The following DECR1 variants were observed in gnomAD, a reference collection of about 807,000 sequenced individuals.
DECR1 encodes the protein 2,4-dienoyl-CoA reductase [(3E)-enoyl-CoA-producing], mitochondrial.
DECR1 carries 44 observed loss-of-function variants against 38.8 expected under a neutral mutation model. The ratio of observed to expected loss-of-function variants is 1.13; its 90% CI spans 0.89 to 1.46. DECR1 has a LOEUF of 1.46. DECR1 is among the 40% of genes most tolerant of loss of function. The pLI, the probability that DECR1 is intolerant of heterozygous loss-of-function variation, is 0.00. For synonymous variants in DECR1, 148 were observed against 135.2 expected (o/e 1.09, Z -0.66); for missense variants, 428 against 405.5 (o/e 1.06, Z -0.48).
intron 5 of DECR1, among the ~76,000 whole-genome samples, chr8:90,028,134 A>G (rs1232773765): frequency 1.3e-5 from 2 of 152,126 alleles, no homozygotes; most frequent in African/African-American, 4.8e-5. Flanking sequence ...GCTTTGTCCA[A>G]CAGGTGATAG....
At chr8:90,046,859 A>G (rs967536023) in intron 8 of DECR1, among the ~76,000 whole-genome samples, 10 of 152,226 alleles carry the variant, frequency 6.6e-5, no homozygotes, top group Non-Finnish European at 1.3e-4. Flanking sequence ...TACAAGTCAG[A>G]AGAAAGTGGG....
At chr8:90,051,788 C>T (rs1273389442) in intron 9 of DECR1, 49 bp downstream of exon 9, 2 of 1,612,346 alleles carry the variant, frequency 1.2e-6, no homozygotes, top group African/African-American at 2.7e-5. Context: ...GGATACTAAG[C>T]TTTAAAAACA....
chr8:90,015,170 A>G (rs965844366), intron 1 of DECR1, among the ~76,000 whole-genome samples: 2 of 152,176 alleles, frequency 1.3e-5, no homozygotes, highest in Admixed American at 1.3e-4. Flanking sequence ...CAAACAAAAA[A>G]AAACAAATAA....
intron 1 of DECR1, chr8:90,006,132 A>T: frequency 1.4e-6 from 1 of 691,152 alleles, no homozygotes; most frequent in Non-Finnish European, 2.6e-6. Context: ...TCACATTTCA[A>T]CATGAGTTTT....
rs909634908 is a variant in DECR1, at chr8:90,015,550, A to C, written c.70-1574A>C. Reference sequence around the variant, plus strand: ...CTTGTGCAATTTCCAGGTGATGAACAGCCTCCTTCTAAATCATTGACCACA... The same window carrying C: ...CTTGTGCAATTTCCAGGTGATGAACCGCCTCCTTCTAAATCATTGACCACA... On this transcript the variant is annotated intron_variant, in intron 1 of 9. Coordinates refer to ENST00000220764, the MANE Select transcript of DECR1 (RefSeq NM_001359.2). 1.2e-5 allele frequency: 5 copies of C among 413,876 alleles called. No homozygotes were observed. The Admixed American group carries it at 1.3e-4, about 10-fold the overall frequency. 25.6% of individuals were successfully genotyped at this position (413,876 alleles called of 1,614,324 possible). A position where few individuals can be genotyped will look rare whatever the true frequency, so the allele number is the denominator to read the frequency against.
intron 5 of DECR1, among the ~76,000 whole-genome samples, chr8:90,025,336 G>C (rs1352144602): frequency 6.6e-6 from 1 of 152,126 alleles, no homozygotes; most frequent in African/African-American, 2.4e-5. Context: ...TCATGATATT[G>C]ATTCTTCCTA....
intron 5 of DECR1, among the ~76,000 whole-genome samples, chr8:90,035,019 A>G (rs1290252153): frequency 6.6e-6 from 1 of 152,092 alleles, no homozygotes. Flanking sequence ...TTATCTTTCA[A>G]CACCTTAAAA....
chr8:90,033,241 G>A (rs1813541262), intron 5 of DECR1, among the ~76,000 whole-genome samples: 1 of 152,022 alleles, frequency 6.6e-6, no homozygotes, highest in African/African-American at 2.4e-5. Context: ...ACATATCATA[G>A]CTTTTTTGAT....
chr8:90,023,315 A>G (rs1813212618), intron 5 of DECR1, among the ~76,000 whole-genome samples: 1 of 152,222 alleles, frequency 6.6e-6, no homozygotes, highest in South Asian at 2.1e-4. Context: ...AGTATTTAGA[A>G]ATACAATGGA....
At chr8:90,017,363 T>G in intron 2 of DECR1, 37 bp downstream of exon 2, 2 of 1,551,858 alleles carry the variant, frequency 1.3e-6, no homozygotes, top group East Asian at 4.5e-5. Context: ...GCGACGCTTT[T>G]GAAGAAACTG....
chr8:90,002,960 C>T lies in DECR1; in HGVS notation c.69+1399C>T, dbSNP rs1188628209. Among the ~76,000 whole-genome samples the T allele has an allele frequency of 3.3e-5, 5 of 152,252 alleles. No homozygotes were observed. In the South Asian group the frequency reaches 6.2e-4, roughly 19 times the overall value. On this transcript the variant is annotated intron_variant, in intron 1 of 9. Coordinates refer to ENST00000220764, the MANE Select transcript of DECR1 (RefSeq NM_001359.2). ...AGCAATAAGGTCATACAGACCTTAT[C>T]CAAGCTCTTCTGACACCATTAGACA...
At position 90,036,871 on chromosome 8, in the gene DECR1, A is replaced by G. The variant is rs756235844; in HGVS notation, c.596A>G (p.Tyr199Cys). 1 of 1,613,510 alleles carries G rather than the reference A, an allele frequency of 6.2e-7. No individual in the cohort carries two copies. Among genetic ancestry groups the G allele is most frequent in the Non-Finnish European group, 8.5e-7 (1 of 1,179,694 alleles). ...GCATTTCTTTCTATTACTACTATCT[A>G]TGCTGAGACTGGTTCAGGTTTTGTA... ...GAAFLSITTI[Y>C]AETGSGFVVP... is the part of the protein sequence containing the mutation. The change falls in exon 6 of 10, where the codon TAT becomes TGT. Residue 199 changes from tyrosine (Y) to cysteine (C), a missense_variant. Tyr to Cys is a radical substitution (Grantham distance 194). Transcript: ENST00000220764.
At chr8:90,031,832 TG>T (rs1324573459) in intron 5 of DECR1, among the ~76,000 whole-genome samples, 2 of 152,130 alleles carry the variant, frequency 1.3e-5, no homozygotes, top group East Asian at 3.8e-4. Flanking sequence ...ATATAATGCC[TG>T]GAGGGGTAGG....
At chr8:90,001,644 G>A in intron 1 of DECR1, 83 bp downstream of exon 1, 1 of 1,355,636 alleles carries the variant, frequency 7.4e-7, no homozygotes, top group South Asian at 1.2e-5. Context: ...GGGGGCTCGG[G>A]GAGCGAGGAC....
At chr8:90,006,671 A>T (rs1299172887) in intron 1 of DECR1, among the ~76,000 whole-genome samples, 2 of 152,188 alleles carry the variant, frequency 1.3e-5, no homozygotes, top group African/African-American at 4.8e-5. Context: ...GGTGGTGAGG[A>T]TGAGAGATGG....
At chr8:90,027,749 G>A (rs1026101576) in intron 5 of DECR1, among the ~76,000 whole-genome samples, 1 of 151,492 alleles carries the variant, frequency 6.6e-6, no homozygotes, top group African/African-American at 2.4e-5. Context: ...GTGTGAGTTT[G>A]ATCCTGTGAT....
At chr8:90,026,860 G>A (rs544900594) in intron 5 of DECR1, among the ~76,000 whole-genome samples, 156 of 152,264 alleles carry the variant, frequency 1.0e-3, no homozygotes, top group South Asian at 1.9e-3. Flanking sequence ...TGGGCATTTA[G>A]TGCTATAAAT....
chr8:90,029,736 T>G (rs915813850), intron 5 of DECR1, among the ~76,000 whole-genome samples: 35 of 152,156 alleles, frequency 2.3e-4, no homozygotes, highest in African/African-American at 8.4e-4. Context: ...TTCAAAACAT[T>G]CCTTTTTCCA....
chr8:90,043,798 C>G (rs543665887), intron 7 of DECR1, among the ~76,000 whole-genome samples: 1 of 152,132 alleles, frequency 6.6e-6, no homozygotes, highest in Admixed American at 6.6e-5. Context: ...AACTTAAAAA[C>G]ATACATTAAA....
Sources: allele counts gnomAD v4.1 joint callset (sites outside exome capture counted in the v4.1 genomes callset), GRCh38; gene constraint gnomAD v4.1.1; transcripts MANE v1.5; gene names NCBI Gene and HGNC (gene_info 2026-07-23, HGNC 2026-07-21).